The following FRAS1 variants were observed in gnomAD, a reference collection of about 807,000 sequenced individuals.
FRAS1 encodes Fraser extracellular matrix complex subunit 1.
In FRAS1, 290 loss-of-function variants were observed where a neutral mutation model predicts 435.2. The ratio of observed to expected loss-of-function variants is 0.67; its 90% CI spans 0.61 to 0.73. The LOEUF (loss-of-function observed/expected upper bound fraction) is 0.73. FRAS1 is among the 30% of genes least tolerant of loss of function. The pLI, the probability that FRAS1 is intolerant of heterozygous loss-of-function variation, is 0.00. For synonymous variants in FRAS1, 1,800 were observed against 1,851.0 expected (o/e 0.97, Z 0.71); for missense variants, 4,860 against 5,001.5 (o/e 0.97, Z 0.85).
intron 62 of FRAS1, 96 bp from the exon 63 acceptor site, chr4:78,508,635 C>T: frequency 1.6e-6 from 2 of 1,260,490 alleles, no homozygotes; most frequent in East Asian, 2.4e-5. Context: ...AACCTGTAGA[C>T]ACTAAGAGAT....
In FRAS1 at chr4:78,446,737, A is replaced by T; in HGVS notation, c.5867A>T (p.Asp1956Val). Residue 1956 changes from aspartate (D) to valine (V), a missense_variant, in exon 43 of 74, where the codon GAT (aspartate) becomes GTT (valine). Transcript: ENST00000512123. ...TTATGCTTTAATCAGAGGAAGAACGATGAGCCTCCCAGGATGACCTTGCAG... is the reference window on the plus strand; with the variant it reads ...TTATGCTTTAATCAGAGGAAGAACGTTGAGCCTCCCAGGATGACCTTGCAG... ...SINITIERKN[D>V]EPPRMTLQPL... The T allele has an allele frequency of 6.2e-7, 1 of 1,612,898 alleles. No homozygotes were observed. Among genetic ancestry groups the T allele is most frequent in the Non-Finnish European group, 8.5e-7 (1 of 1,179,506 alleles).
At chr4:78,426,895 T>G (rs1437165595) in intron 35 of FRAS1, among the ~76,000 whole-genome samples, 1 of 152,210 alleles carries the variant, frequency 6.6e-6, no homozygotes, top group Non-Finnish European at 1.5e-5. Context: ...TTCCACTTAC[T>G]TACAGAGTCA....
chr4:78,320,444 C>T (rs767329169), intron 18 of FRAS1, among the ~76,000 whole-genome samples: 14 of 151,914 alleles, frequency 9.2e-5, no homozygotes, highest in Non-Finnish European at 1.9e-4. Context: ...GAGCAAGTGG[C>T]GGAAAAAAGC....
chr4:78,413,994 C>T (rs1484334), intron 32 of FRAS1, among the ~76,000 whole-genome samples: 47,653 of 152,000 alleles, frequency 0.31, 8,145 homozygotes, highest in Non-Finnish European at 0.38. Flanking sequence ...TTAGTTAGCA[C>T]CCACACAATT....
chr4:78,320,562 A>G (rs1199744525), intron 18 of FRAS1, among the ~76,000 whole-genome samples: 1 of 152,212 alleles, frequency 6.6e-6, no homozygotes, highest in African/African-American at 2.4e-5. Context: ...TATGTCCCCT[A>G]AAGAAAATTA....
chr4:78,390,060 A>G (rs946573043), intron 29 of FRAS1, among the ~76,000 whole-genome samples: 1 of 152,176 alleles, frequency 6.6e-6, no homozygotes, highest in African/African-American at 2.4e-5. Context: ...GAGCCTCAGC[A>G]TTCATCAGGA....
chr4:78,473,792 A>G (rs1171264827), intron 53 of FRAS1, among the ~76,000 whole-genome samples, 195 bp downstream of exon 53: 1 of 102,660 alleles, frequency 9.7e-6, no homozygotes, highest in Non-Finnish European at 2.3e-5. Context: ...AGGACTCGAC[A>G]TGCATCATCT....
intron 47 of FRAS1, among the ~76,000 whole-genome samples, chr4:78,456,201 C>T (rs895747471): frequency 1.7e-4 from 18 of 104,930 alleles, no homozygotes; most frequent in South Asian, 1.6e-3. Context: ...TGGAGTGCAA[C>T]GGTGTGATCT....
At chr4:78,085,138 G>C (rs1741084398) in intron 2 of FRAS1, among the ~76,000 whole-genome samples, 1 of 152,074 alleles carries the variant, frequency 6.6e-6, no homozygotes, top group African/African-American at 2.4e-5. Flanking sequence ...AGGATAGATA[G>C]TCAAATTTCT....
intron 2 of FRAS1, among the ~76,000 whole-genome samples, chr4:78,213,255 G>A (rs1363603851): frequency 2.0e-5 from 3 of 152,332 alleles, no homozygotes; most frequent in African/African-American, 4.8e-5. Context: ...CCTCAAGGTT[G>A]CATGATCAAT....
At chr4:78,322,424 TTC>T (rs1332446553) in intron 18 of FRAS1, among the ~76,000 whole-genome samples, 1 of 152,200 alleles carries the variant, frequency 6.6e-6, no homozygotes, top group Admixed American at 6.5e-5. Flanking sequence ...TATTGAGGGT[TTC>T]TTTTATAGCA....
intron 6 of FRAS1, among the ~76,000 whole-genome samples, chr4:78,264,421 A>T (rs1402816745): frequency 1.3e-5 from 2 of 152,064 alleles, no homozygotes; most frequent in Admixed American, 1.3e-4. Flanking sequence ...CATGTGAAAG[A>T]CCTCTCCAAT....
At chr4:78,169,276 T>C (rs1721456643) in intron 2 of FRAS1, among the ~76,000 whole-genome samples, 1 of 152,132 alleles carries the variant, frequency 6.6e-6, no homozygotes, top group Non-Finnish European at 1.5e-5. Context: ...TCATTAACCA[T>C]ATTACTTCTG....
rs370568668 is a variant in FRAS1 at position 78,131,656 on chromosome 4, G to A, written c.108+65640G>A. Among the ~76,000 whole-genome samples the A allele has an allele frequency of 4.0e-4, 61 of 152,264 alleles. 2 individuals carry two copies. Among genetic ancestry groups the A allele is most frequent in the African/African-American group, 1.4e-3 (59 of 41,546 alleles). ...GAAGATGATATGTTAGTGTTAGGAG[G>A]GTGTGTGTCTCTCCGAGTGATTTTA... On this transcript the variant is annotated intron_variant, in intron 2 of 73. Transcript: ENST00000512123.
intron 53 of FRAS1, among the ~76,000 whole-genome samples, 169 bp from the exon 54 acceptor site, chr4:78,475,269 C>G (rs933853834): frequency 7.9e-5 from 12 of 152,216 alleles, no homozygotes; most frequent in Non-Finnish European, 1.2e-4. Context: ...TCTGATTGTT[C>G]AGGTGAACTC....
chr4:78,511,911 G>C (rs1721055735), intron 64 of FRAS1, among the ~76,000 whole-genome samples: 1 of 152,106 alleles, frequency 6.6e-6, no homozygotes, highest in Admixed American at 6.5e-5. Flanking sequence ...ATTTAATTTG[G>C]AGGCTTCCCC....
chr4:78,497,809 A>C (rs1012339403), intron 60 of FRAS1, among the ~76,000 whole-genome samples: 1 of 152,218 alleles, frequency 6.6e-6, no homozygotes, highest in African/African-American at 2.4e-5. Flanking sequence ...TTCTAGGGAA[A>C]TATCAGTAAC....
chr4:78,360,326 G>T (rs1731028899), intron 20 of FRAS1, among the ~76,000 whole-genome samples: 1 of 152,166 alleles, frequency 6.6e-6, no homozygotes, highest in South Asian at 2.1e-4. Flanking sequence ...ATATTTTGAA[G>T]ACAGATTTAC....
chr4:78,344,808 CA>C (rs756202081), intron 20 of FRAS1, among the ~76,000 whole-genome samples: 3 of 152,094 alleles, frequency 2.0e-5, no homozygotes, highest in Non-Finnish European at 4.4e-5. Context: ...GAATAAACTT[CA>C]AAGAAAAACG....
Sources: gnomAD v4.1 joint callset for allele counts (sites outside exome capture counted in the v4.1 genomes callset) on GRCh38, gnomAD v4.1.1 for gene constraint, MANE v1.5 for transcripts, NCBI Gene and HGNC (gene_info 2026-07-23, HGNC 2026-07-21) for gene names.